DNAH7: variants seen among roughly 807,000 people sequenced by gnomAD.
DNAH7 encodes dynein axonemal heavy chain 7.
In DNAH7, 397 loss-of-function variants were observed where a neutral mutation model predicts 444.6. That is an observed-to-expected ratio of 0.89 (90% CI 0.82 to 0.97). DNAH7 has a LOEUF of 0.97. DNAH7 is among the 50% of genes least tolerant of loss of function. The pLI, the probability that DNAH7 is intolerant of heterozygous loss-of-function variation, is 0.00. For synonymous variants in DNAH7, 1,636 were observed against 1,624.4 expected (o/e 1.01, Z -0.17); for missense variants, 4,902 against 4,800.8 (o/e 1.02, Z -0.62).
At chr2:195,806,642 T>A (rs1241438330) in intron 54 of DNAH7, 98 bp downstream of exon 54, 1 of 944,346 alleles carries the variant, frequency 1.1e-6, no homozygotes, top group East Asian at 2.7e-5. Context: ...CAGGCTCCTC[T>A]ACCTCCCCCA....
At position 195,739,919 on chromosome 2, in the gene DNAH7, T is replaced by G. The variant is rs907405470; in HGVS notation, c.11868+847A>C. Among the ~76,000 whole-genome samples, 8 of 152,352 alleles carry G rather than the reference T, an allele frequency of 5.3e-5. No homozygotes were observed. In the East Asian group the frequency reaches 1.3e-3, roughly 26 times the overall value. ...ATTTAGTACCAGGTTTTTCACATTTTTGTGTTTTTGTTGGCGATTTCACTG... is the reference window on the plus strand; with the variant it reads ...ATTTAGTACCAGGTTTTTCACATTTGTGTGTTTTTGTTGGCGATTTCACTG... On this transcript the variant is annotated intron_variant, in intron 64 of 64. Transcript: ENST00000312428.
At chr2:195,749,384 G>C (rs1693638785) in intron 63 of DNAH7, among the ~76,000 whole-genome samples, 1 of 151,298 alleles carries the variant, frequency 6.6e-6, no homozygotes, top group South Asian at 2.1e-4. Flanking sequence ...ACTGTTGGTG[G>C]GACTGTAAAC....
rs367572181 is a variant in DNAH7, at chr2:195,906,796, A to G, written c.4208-10T>C. On this transcript the variant is annotated splice_polypyrimidine_tract_variant and intron_variant, in intron 26 of 64. Transcript: ENST00000312428. ...GCACCTGCATTAATACCTGTAGGTAATCAGGAATGAAATGACTTAGTAATA... is the reference window on the plus strand; with the variant it reads ...GCACCTGCATTAATACCTGTAGGTAGTCAGGAATGAAATGACTTAGTAATA... 4 of 1,612,816 alleles carry G rather than the reference A, an allele frequency of 2.5e-6. No individual in the cohort carries two copies. Among genetic ancestry groups the G allele is most frequent in the Non-Finnish European group, 3.4e-6 (4 of 1,179,312 alleles).
intron 21 of DNAH7, among the ~76,000 whole-genome samples, chr2:195,927,723 T>C (rs533322197): frequency 4.0e-5 from 6 of 151,458 alleles, no homozygotes; most frequent in African/African-American, 1.5e-4. Flanking sequence ...TAAAGTCTAT[T>C]ATTATATCTA....
chr2:196,030,175 G>A (rs1314368255), intron 5 of DNAH7, among the ~76,000 whole-genome samples: 1 of 152,172 alleles, frequency 6.6e-6, no homozygotes, highest in African/African-American at 2.4e-5. Flanking sequence ...ATGGCAGAAG[G>A]CGAAAGCCAC....
At chr2:195,926,289 A>G (rs1005070308) in intron 22 of DNAH7, 137 bp downstream of exon 22, 2 of 770,072 alleles carry the variant, frequency 2.6e-6, no homozygotes, top group African/African-American at 1.8e-5. Context: ...TTATTTAAAA[A>G]ATCTGTAATT....
At chr2:196,056,182 C>T (rs1324197777) in intron 2 of DNAH7, among the ~76,000 whole-genome samples, 1 of 152,090 alleles carries the variant, frequency 6.6e-6, no homozygotes, top group Non-Finnish European at 1.5e-5. Context: ...CAGTGGTTCA[C>T]GCCTGTAATC....
At position 196,026,958 on chromosome 2, in the gene DNAH7, GAAA is replaced by G; in HGVS notation, c.487-21_487-19del. ...TAATATCTCTACAAAAAGAAGATAGGAAAAATGTAGATGTTTAACAAAAGAAGT... is the reference window on the plus strand; with the variant it reads ...TAATATCTCTACAAAAAGAAGATAGGAATGTAGATGTTTAACAAAAGAAGT... On this transcript the variant is annotated intron_variant, in intron 6 of 64. Coordinates refer to ENST00000312428, the MANE Select transcript of DNAH7 (RefSeq NM_018897.3). 6.5e-7 allele frequency: 1 copy of G among 1,533,548 alleles called. No homozygotes were observed. Among genetic ancestry groups the G allele is most frequent in the Non-Finnish European group, 8.8e-7 (1 of 1,131,458 alleles). The allele number at this position is 1,533,548 out of a possible 1,614,324, so 95.0% of individuals were successfully genotyped here.
intron 61 of DNAH7, among the ~76,000 whole-genome samples, chr2:195,766,551 T>G (rs934052905): frequency 4.0e-5 from 6 of 151,798 alleles, no homozygotes; most frequent in Non-Finnish European, 8.8e-5. Flanking sequence ...AGAGTAGTGG[T>G]AGGTAGGGTT....
intron 2 of DNAH7, among the ~76,000 whole-genome samples, chr2:196,052,239 G>A (rs750665460): frequency 2.0e-5 from 3 of 152,106 alleles, no homozygotes; most frequent in Admixed American, 6.6e-5. Context: ...GGGAAGGGAC[G>A]GCTCTTCCAA....
intron 47 of DNAH7, among the ~76,000 whole-genome samples, chr2:195,835,258 C>A (rs943595080): frequency 1.7e-4 from 26 of 150,572 alleles, no homozygotes; most frequent in Admixed American, 9.4e-4. Context: ...GTGAGCAGAG[C>A]ATGAGAAGTA....
At chr2:195,750,016 T>G (rs1693700984) in intron 63 of DNAH7, among the ~76,000 whole-genome samples, 1 of 151,636 alleles carries the variant, frequency 6.6e-6, no homozygotes. Flanking sequence ...AGAAATAAAA[T>G]AAATAAATAA....
At chr2:195,992,513 T>G (rs1202659464) in intron 12 of DNAH7, among the ~76,000 whole-genome samples, 1 of 152,238 alleles carries the variant, frequency 6.6e-6, no homozygotes, top group East Asian at 1.9e-4. Flanking sequence ...TGTGTTTTTT[T>G]GTTTGTTTGT....
At chr2:195,815,557 T>C (rs965396320) in intron 51 of DNAH7, among the ~76,000 whole-genome samples, 5 of 152,184 alleles carry the variant, frequency 3.3e-5, no homozygotes, top group African/African-American at 1.2e-4. Flanking sequence ...TAGCTGTGAG[T>C]GATAAAAATT....
chr2:195,943,520 A>G (rs1689604398), intron 19 of DNAH7, among the ~76,000 whole-genome samples: 1 of 152,136 alleles, frequency 6.6e-6, no homozygotes, highest in African/African-American at 2.4e-5. Flanking sequence ...ATATTGAAAG[A>G]GGGCCAATGT....
chr2:195,876,448 T>C, intron 37 of DNAH7, 96 bp downstream of exon 37: 2 of 1,255,030 alleles, frequency 1.6e-6, no homozygotes, highest in South Asian at 1.4e-5. Context: ...TAAAAAACTA[T>C]ACAAAAAGAT....
intron 49 of DNAH7, among the ~76,000 whole-genome samples, chr2:195,820,657 A>G (rs1230566018): frequency 3.9e-5 from 6 of 152,278 alleles, no homozygotes; most frequent in African/African-American, 1.4e-4. Flanking sequence ...TGTTAGTGAC[A>G]ATTTTGTCCA....
At chr2:195,888,750 T>G in intron 32 of DNAH7, 49 bp downstream of exon 32, 1 of 1,555,188 alleles carries the variant, frequency 6.4e-7, no homozygotes, top group Non-Finnish European at 8.7e-7. Context: ...AATACATGCA[T>G]TTATAACATT....
At chr2:195,944,192 C>T (rs1298806672) in intron 19 of DNAH7, among the ~76,000 whole-genome samples, 1 of 152,056 alleles carries the variant, frequency 6.6e-6, no homozygotes, top group Non-Finnish European at 1.5e-5. Flanking sequence ...AAGTCCACCC[C>T]TAAGTGGAGT....
Sources: allele counts gnomAD v4.1 joint callset (sites outside exome capture counted in the v4.1 genomes callset), GRCh38; gene constraint gnomAD v4.1.1; transcripts MANE v1.5; gene names NCBI Gene and HGNC (gene_info 2026-07-23, HGNC 2026-07-21).